PTPRK: variants seen among roughly 807,000 people sequenced by gnomAD.
PTPRK encodes the protein receptor-type tyrosine-protein phosphatase kappa.
In PTPRK, 75 loss-of-function variants were observed where a neutral mutation model predicts 178.0. The ratio of observed to expected loss-of-function variants is 0.42; its 90% CI spans 0.35 to 0.51. The LOEUF (loss-of-function observed/expected upper bound fraction) is 0.51, where lower values mean the gene tolerates loss of function less well. PTPRK is among the 20% of genes least tolerant of loss of function. The pLI is 0.02. For missense variants in PTPRK, 1,441 were observed against 1,797.8 expected, an observed-to-expected ratio of 0.80 and a Z score of 3.59; for synonymous variants, 637 against 620.6, an observed-to-expected ratio of 1.03 and a Z score of -0.39.
chr6:128,294,020 T>C (rs563889366), intron 3 of PTPRK, among the ~76,000 whole-genome samples: 87 of 152,226 alleles, frequency 5.7e-4, no homozygotes, highest in African/African-American at 2.1e-3. Flanking sequence ...GATGATTCTT[T>C]TTTCTTTTAA....
intron 2 of PTPRK, among the ~76,000 whole-genome samples, chr6:128,361,371 A>G (rs1322725287): frequency 1.3e-5 from 2 of 152,172 alleles, no homozygotes; most frequent in African/African-American, 4.8e-5. Context: ...TATTTTGTTT[A>G]TAATTTTTCA....
chr6:128,483,036 A>C (rs1484217914), intron 1 of PTPRK, among the ~76,000 whole-genome samples: 1 of 152,146 alleles, frequency 6.6e-6, no homozygotes, highest in Non-Finnish European at 1.5e-5. Flanking sequence ...AATTATACTA[A>C]TCTGAATGTC....
intron 6 of PTPRK, among the ~76,000 whole-genome samples, chr6:128,210,004 T>C (rs764062490): frequency 2.6e-5 from 4 of 152,128 alleles, no homozygotes; most frequent in Admixed American, 6.6e-5. Flanking sequence ...TCTGACTTAC[T>C]GTGTCATACA....
chr6:128,436,278 A>G (rs1194721218), intron 1 of PTPRK, among the ~76,000 whole-genome samples: 1 of 152,188 alleles, frequency 6.6e-6, no homozygotes, highest in Non-Finnish European at 1.5e-5. Flanking sequence ...AATAGCAATT[A>G]AAACTATACT....
At chr6:128,335,789 GA>G (rs140929946) in intron 2 of PTPRK, among the ~76,000 whole-genome samples, 62 of 147,068 alleles carry the variant, frequency 4.2e-4, no homozygotes, top group African/African-American at 1.0e-3. Flanking sequence ...TATACTTAAA[GA>G]AAAAAAAAAC....
intron 1 of PTPRK, among the ~76,000 whole-genome samples, chr6:128,430,262 T>C (rs1009720920): frequency 2.0e-5 from 3 of 152,248 alleles, no homozygotes; most frequent in African/African-American, 7.2e-5. Context: ...TTTAATTCTG[T>C]ACTTTTAACT....
intron 8 of PTPRK, among the ~76,000 whole-genome samples, chr6:128,089,026 G>A (rs928428320): frequency 1.3e-5 from 2 of 152,104 alleles, no homozygotes; most frequent in Admixed American, 6.6e-5. Flanking sequence ...GCAATGGTGC[G>A]ATCTCAGCTC....
chr6:128,274,577 C>T (rs1300459822), intron 3 of PTPRK, among the ~76,000 whole-genome samples: 1 of 152,028 alleles, frequency 6.6e-6, no homozygotes, highest in Non-Finnish European at 1.5e-5. Flanking sequence ...AAATGATCTA[C>T]AGAAGCAATC....
intron 1 of PTPRK, among the ~76,000 whole-genome samples, chr6:128,435,679 T>C (rs1033414970): frequency 6.6e-6 from 1 of 152,136 alleles, no homozygotes. Flanking sequence ...CAAAGAACTG[T>C]TAGAGACTTC....
intron 7 of PTPRK, among the ~76,000 whole-genome samples, chr6:128,094,013 A>G (rs919529328): frequency 5.9e-5 from 9 of 152,240 alleles, no homozygotes; most frequent in Non-Finnish European, 1.3e-4. Context: ...TAGAAGCAAG[A>G]TCTTTAGACC....
intron 2 of PTPRK, among the ~76,000 whole-genome samples, chr6:128,356,911 A>G (rs549719174): frequency 5.6e-4 from 86 of 152,326 alleles, no homozygotes; most frequent in African/African-American, 2.0e-3. Flanking sequence ...AACATAGCAT[A>G]TAGCTTCTCT....
At position 128,005,165 on chromosome 6, in the gene PTPRK, T is replaced by C. The variant is rs1219705848; in HGVS notation, c.2413A>G (p.Ser805Gly). 1.9e-6 allele frequency: 3 copies of C among 1,611,808 alleles called. No individual in the cohort carries two copies. The highest frequency in any genetic ancestry group is 2.5e-6 in the Non-Finnish European group (3 of 1,178,658). ...TGCAGAGTGCTCTGATCAGCATAAC[T>C]TCGATCCATTGCATTCACCATGTGA... ...MTHMVNAMDR[S>G]YADQSTLHAE... The change falls in exon 15 of 30, where the codon AGT becomes GGT. Residue 805 changes from serine (S) to glycine (G), a missense_variant. This residue lies in a region of PTPRK where 945 missense variants were observed against 1,080.6 expected (regional missense o/e 0.87). Coordinates refer to ENST00000368226, the MANE Select transcript of PTPRK (RefSeq NM_002844.4).
intron 1 of PTPRK, among the ~76,000 whole-genome samples, chr6:128,506,098 TA>T (rs1356898733): frequency 6.6e-6 from 1 of 152,206 alleles, no homozygotes; most frequent in African/African-American, 2.4e-5. Context: ...ACAGAAGCAA[TA>T]GTGATATTCC....
intron 7 of PTPRK, among the ~76,000 whole-genome samples, chr6:128,177,858 T>C (rs1249684790): frequency 6.6e-6 from 1 of 151,792 alleles, no homozygotes; most frequent in Admixed American, 6.6e-5. Flanking sequence ...AAATTTAGAA[T>C]AACATTTCTA....
At chr6:128,246,693 T>G (rs1402029638) in intron 3 of PTPRK, among the ~76,000 whole-genome samples, 2 of 152,202 alleles carry the variant, frequency 1.3e-5, no homozygotes, top group Non-Finnish European at 2.9e-5. Context: ...ATGCTTGATG[T>G]CAAGCAGTCA....
chr6:128,317,243 A>T (rs1828130506), intron 3 of PTPRK, among the ~76,000 whole-genome samples: 1 of 152,236 alleles, frequency 6.6e-6, no homozygotes, highest in East Asian at 1.9e-4. Flanking sequence ...TCAACTGTGC[A>T]TGAAGGTAAG....
intron 2 of PTPRK, among the ~76,000 whole-genome samples, chr6:128,368,147 A>T (rs755242988): frequency 1.3e-5 from 2 of 152,152 alleles, no homozygotes; most frequent in Non-Finnish European, 2.9e-5. Flanking sequence ...ACTGAAATAT[A>T]GACATGAAAA....
intron 2 of PTPRK, among the ~76,000 whole-genome samples, chr6:128,374,336 T>A (rs557284952): frequency 6.6e-6 from 1 of 152,250 alleles, no homozygotes; most frequent in African/African-American, 2.4e-5. Context: ...TCAAAGACCA[T>A]CTATACAATA....
At chr6:128,332,414 T>C (rs1481083063) in intron 2 of PTPRK, among the ~76,000 whole-genome samples, 1 of 152,194 alleles carries the variant, frequency 6.6e-6, no homozygotes, top group Non-Finnish European at 1.5e-5. Flanking sequence ...CCCCTCTCTG[T>C]CTTGTTTCCT....
Sources: gnomAD v4.1 joint callset for allele counts (sites outside exome capture counted in the v4.1 genomes callset) on GRCh38, gnomAD v4.1.1 for gene constraint, gnomAD v4.1.1 regional missense constraint, MANE v1.5 for transcripts, NCBI Gene and HGNC (gene_info 2026-07-23, HGNC 2026-07-21) for gene names.